The following ARHGAP8 variants were observed in gnomAD, a reference collection of about 807,000 sequenced individuals.
ARHGAP8 encodes the protein rho GTPase-activating protein 8.
In ARHGAP8, 62 loss-of-function variants were observed where a neutral mutation model predicts 46.1. The ratio of observed to expected loss-of-function variants is 1.34; its 90% CI spans 1.10 to 1.66. ARHGAP8 has a LOEUF of 1.66. Ranked by LOEUF, ARHGAP8 falls within the 40% of genes most tolerant of loss-of-function variation. The pLI, the probability that ARHGAP8 is intolerant of heterozygous loss-of-function variation, is 0.00. For missense variants in ARHGAP8, 923 were observed against 568.4 expected (o/e 1.62, Z -6.34); for synonymous variants, 375 against 243.1 (o/e 1.54, Z -5.05).
At chr22:44,818,450 C>CAAA (rs749292883) in intron 5 of ARHGAP8, among the ~76,000 whole-genome samples, 1 of 125,438 alleles carries the variant, frequency 8.0e-6, no homozygotes, top group South Asian at 2.6e-4. Flanking sequence ...ACTCCAGTCT[C>CAAA]AAAAAAAAAA....
At chr22:44,859,939 C>G (rs542058461) in intron 11 of ARHGAP8, 105 bp downstream of exon 11, 6 of 1,322,168 alleles carry the variant, frequency 4.5e-6, no homozygotes, top group Non-Finnish European at 6.2e-6. Flanking sequence ...GGGGTCATGC[C>G]CTGCTTGGGC....
At chr22:44,818,489 C>T (rs1030714178) in intron 5 of ARHGAP8, among the ~76,000 whole-genome samples, 1 of 151,134 alleles carries the variant, frequency 6.6e-6, no homozygotes, top group Admixed American at 6.6e-5. Context: ...CTGTTTTCCA[C>T]GTGGCAGCGT....
At chr22:44,820,468 C>T (rs1055085330) in intron 5 of ARHGAP8, among the ~76,000 whole-genome samples, 9 of 152,172 alleles carry the variant, frequency 5.9e-5, no homozygotes, top group South Asian at 2.1e-4. Context: ...TTCACAGCCC[C>T]GGGGACACCC....
chr22:44,852,249 A>G (rs1601522375), intron 10 of ARHGAP8, among the ~76,000 whole-genome samples: 1 of 151,340 alleles, frequency 6.6e-6, no homozygotes, highest in East Asian at 2.0e-4. Flanking sequence ...AGGAAGGTGA[A>G]GACATGGTTC....
intron 10 of ARHGAP8, among the ~76,000 whole-genome samples, chr22:44,853,176 TGGTA>T (rs1274681173): frequency 6.6e-6 from 1 of 152,270 alleles, no homozygotes; most frequent in East Asian, 1.9e-4. Context: ...TATCCTTTCA[TGGTA>T]GAGAGAGAGT....
At position 44,859,817 on chromosome 22, in the gene ARHGAP8, A is replaced by G. The variant is rs781752884; in HGVS notation, c.964A>G (p.Met322Val). 2 of 1,612,932 alleles carry G rather than the reference A, an allele frequency of 1.2e-6. No homozygotes were observed. The highest frequency in any genetic ancestry group is 8.5e-7 in the Non-Finnish European group (1 of 1,179,196). Residue 322 changes from methionine to valine, a missense_variant, in exon 11 of 12, where the codon ATG becomes GTG. Transcript: ENST00000356099. The part of the protein sequence containing the change: ...EHNYVVLRYL[M>V]GFLHAVSRES... The stretch of plus-strand genomic sequence containing the variant: ...CAACTACGTCGTCCTCCGCTACCTC[A>G]TGGGCTTCCTGCATGCGGTGAGTGG...
At chr22:44,861,524 G>C (rs201510327) in intron 11 of ARHGAP8, among the ~76,000 whole-genome samples, 9 of 137,556 alleles carry the variant, frequency 6.5e-5, no homozygotes, top group East Asian at 1.9e-4. Flanking sequence ...CAACAGATCT[G>C]TGAGGGTGGT....
rs537749868 is a variant in ARHGAP8 at position 44,846,064 on chromosome 22, AGCTCG to A, written c.670+727_670+731del. Reference sequence around the variant, plus strand: ...GGGCTGGCTCCTCTCCAGCCTCCAGAGCTCGGCTCAACAGTTGCTTCCTCAGGGAA... The same window carrying A: ...GGGCTGGCTCCTCTCCAGCCTCCAGAGCTCAACAGTTGCTTCCTCAGGGAA... On this transcript the variant is annotated intron_variant, in intron 8 of 11. Coordinates refer to ENST00000356099, the MANE Select transcript of ARHGAP8 (RefSeq NM_181335.3). Among the ~76,000 whole-genome samples, 200 of 152,148 alleles carry A rather than the reference AGCTCG, an allele frequency of 1.3e-3. 2 individuals carry two copies. Among genetic ancestry groups the A allele is most frequent in the South Asian group, 0.011 (53 of 4,814 alleles).
At chr22:44,798,301 A>G (rs1042377628) in intron 2 of ARHGAP8, among the ~76,000 whole-genome samples, 5 of 151,636 alleles carry the variant, frequency 3.3e-5, no homozygotes, top group African/African-American at 4.9e-5. Context: ...GAGACAAGGA[A>G]GGTCTCATTA....
At chr22:44,821,010 T>C (rs1930090950) in intron 5 of ARHGAP8, among the ~76,000 whole-genome samples, 1 of 152,234 alleles carries the variant, frequency 6.6e-6, no homozygotes, top group African/African-American at 2.4e-5. Flanking sequence ...ATAAACGACA[T>C]TGAAAATACA....
At chr22:44,791,573 G>T (rs1005444066) in intron 2 of ARHGAP8, among the ~76,000 whole-genome samples, 1 of 152,034 alleles carries the variant, frequency 6.6e-6, no homozygotes, top group African/African-American at 2.4e-5. Flanking sequence ...GCGTGATGGT[G>T]GGCACCTGTA....
intron 4 of ARHGAP8, among the ~76,000 whole-genome samples, chr22:44,813,164 G>A (rs1037425252): frequency 6.6e-6 from 1 of 152,096 alleles, no homozygotes; most frequent in African/African-American, 2.4e-5. Context: ...GACAAGCGGA[G>A]TGCTTGTTGC....
intron 7 of ARHGAP8, among the ~76,000 whole-genome samples, chr22:44,839,889 C>T (rs1931539859): frequency 6.6e-6 from 1 of 152,222 alleles, no homozygotes; most frequent in Admixed American, 6.5e-5. Flanking sequence ...GGCGAGTTTG[C>T]CCATGGGGCG....
In ARHGAP8 at chr22:44,797,217, CTTTTTTTT is replaced by C. The variant is rs370851544; in HGVS notation, c.80-4849_80-4842del. On this transcript the variant is annotated intron_variant, in intron 2 of 11. Transcript: ENST00000356099. Reference sequence around the variant, plus strand: ...TTCCAGACATGATAATGCTACTTGGCTTTTTTTTTTTTTTTTTTAATCCTGATGTTATC... The same window carrying C: ...TTCCAGACATGATAATGCTACTTGGCTTTTTTTTTTAATCCTGATGTTATC... Among the ~76,000 whole-genome samples the C allele has an allele frequency of 6.2e-5, 8 of 128,004 alleles. No individual in the cohort carries two copies. The South Asian group carries it at 2.0e-3, about 33-fold the overall frequency. The allele number at this position is 128,004 out of a possible 152,430, so 84.0% of individuals were successfully genotyped here.
chr22:44,796,331 G>C (rs1272397447), intron 2 of ARHGAP8, among the ~76,000 whole-genome samples: 2 of 152,168 alleles, frequency 1.3e-5, no homozygotes, highest in African/African-American at 4.8e-5. Context: ...TTTGCTCCTC[G>C]GGGGCAGCTG....
intron 2 of ARHGAP8, among the ~76,000 whole-genome samples, chr22:44,790,759 G>A (rs1253952804): frequency 6.8e-6 from 1 of 146,220 alleles, no homozygotes; most frequent in African/African-American, 2.5e-5. Context: ...TGGAGACGGA[G>A]TCTTGCACTC....
chr22:44,801,565 A>T (rs1200600519), intron 2 of ARHGAP8, among the ~76,000 whole-genome samples: 2 of 152,204 alleles, frequency 1.3e-5, no homozygotes, highest in Non-Finnish European at 2.9e-5. Flanking sequence ...GTTGTAGCAC[A>T]TGGTGACCCG....
intron 10 of ARHGAP8, chr22:44,850,600 G>C (rs113289921): frequency 6.6e-6 from 1 of 152,110 alleles, no homozygotes; most frequent in Non-Finnish European, 1.5e-5. Flanking sequence ...CTTACTGTTT[G>C]TTCCAGCCAA....
At chr22:44,844,272 A>T (rs1329636587) in intron 7 of ARHGAP8, among the ~76,000 whole-genome samples, 1 of 152,080 alleles carries the variant, frequency 6.6e-6, no homozygotes, top group African/African-American at 2.4e-5. Flanking sequence ...GCCCGGCCAC[A>T]TCTAATATAT....
Sources: gnomAD v4.1 joint callset for allele counts (sites outside exome capture counted in the v4.1 genomes callset) on GRCh38, gnomAD v4.1.1 for gene constraint, MANE v1.5 for transcripts, NCBI Gene and HGNC (gene_info 2026-07-23, HGNC 2026-07-21) for gene names.